The following WDR48 variants were observed in gnomAD, a reference collection of about 807,000 sequenced individuals.
WDR48 encodes WD repeat domain 48.
Under a neutral mutation model 94.0 loss-of-function variants are expected in WDR48, and 22 were observed. That is an observed-to-expected ratio of 0.23 (90% CI 0.17 to 0.33). The LOEUF (loss-of-function observed/expected upper bound fraction) is 0.33, where lower values mean the gene tolerates loss of function less well. WDR48 is among the 10% of genes least tolerant of loss of function. The pLI is 1.00. For synonymous variants in WDR48, 278 were observed against 280.5 expected (o/e 0.99, Z 0.09); for missense variants, 541 against 813.8 (o/e 0.66, Z 4.08).
chr3:39,074,579 C>G, intron 7 of WDR48, 147 bp from the exon 8 acceptor site: 1 of 772,876 alleles, frequency 1.3e-6, no homozygotes, highest in Non-Finnish European at 2.1e-6. Flanking sequence ...GCCTGTGGTG[C>G]ATGGTTGTCA....
Position 39,095,474 on chromosome 3 carries a change from C to A in WDR48, c.*731C>A, listed in dbSNP as rs1427975582. 1 of 152,206 alleles carries A rather than the reference C, an allele frequency of 6.6e-6. No homozygotes were observed. The allele number at this position is 152,206 out of a possible 1,614,324, so 9.4% of individuals were successfully genotyped here. A position where few individuals can be genotyped will look rare whatever the true frequency, so the allele number is the denominator to read the frequency against. On this transcript the variant is annotated 3_prime_UTR_variant, in exon 19 of 19. Transcript: ENST00000302313. ...TGATGTCCTGGCTTTGTGGCAACCC[C>A]AGGGAGGTGCAGCAGTTTCACTCCT...
intron 11 of WDR48, among the ~76,000 whole-genome samples, chr3:39,080,764 C>G (rs550292941): frequency 6.6e-6 from 1 of 152,172 alleles, no homozygotes; most frequent in African/African-American, 2.4e-5. Flanking sequence ...TTAAAGGTTT[C>G]CAGTAGATGC....
At chr3:39,060,405 A>G (rs2033177606) in intron 1 of WDR48, among the ~76,000 whole-genome samples, 1 of 142,624 alleles carries the variant, frequency 7.0e-6, no homozygotes, top group African/African-American at 2.8e-5. Context: ...GTGTCAGTAC[A>G]GTGTGTGTGT....
intron 14 of WDR48, 109 bp from the exon 15 acceptor site, chr3:39,088,019 G>T: frequency 1.0e-6 from 1 of 999,350 alleles, no homozygotes; most frequent in Non-Finnish European, 1.5e-6. Flanking sequence ...GGACTTAGAG[G>T]ACATTTGAAT....
Position 39,078,221 on chromosome 3 carries a change from C to A in WDR48, c.1057C>A (p.Pro353Thr), listed in dbSNP as rs151234408. 3.7e-6 allele frequency: 6 copies of A among 1,612,292 alleles called. No individual in the cohort carries two copies. Among genetic ancestry groups the A allele is most frequent in the African/African-American group, 2.7e-5 (2 of 74,928 alleles). Residue 353 changes from proline (P) to threonine (T), a missense_variant, in exon 10 of 19, where the codon CCT becomes ACT. Coordinates refer to ENST00000302313, the MANE Select transcript of WDR48 (RefSeq NM_020839.4). ...TNPITPLCTQ[P>T]DQVIKGGASI... is the part of the protein sequence containing the mutation. ...TCCTATAACACCTCTTTGTACACAA[C>A]CTGACCAGGTTATTAAAGGTAAGAA...
intron 1 of WDR48, among the ~76,000 whole-genome samples, chr3:39,060,373 A>G (rs780372622): frequency 6.6e-6 from 1 of 151,910 alleles, no homozygotes; most frequent in Non-Finnish European, 1.5e-5. Context: ...CACATTTTCA[A>G]GGTTCATCCA....
chr3:39,081,388 CAGTT>C (rs1389867889), intron 11 of WDR48, among the ~76,000 whole-genome samples: 2 of 152,160 alleles, frequency 1.3e-5, no homozygotes, highest in African/African-American at 4.8e-5. Flanking sequence ...CATTATGAAA[CAGTT>C]GTTTGGTGAG....
In WDR48 at chr3:39,077,156, A is replaced by G. The variant is rs746796914; in HGVS notation, c.915A>G (p.Ser305=). 17 of 1,614,188 alleles carry G rather than the reference A, an allele frequency of 1.1e-5. No homozygotes were observed. The East Asian group carries it at 3.6e-4, about 34-fold the overall frequency. The stretch of plus-strand genomic sequence containing the variant: ...GTTTTCAGATGGAGCTTGATAGATC[A>G]GCTGATCCTCCTCCTGCAATTTGGG... The part of the protein sequence containing the change: ...APVLKMELDR[S]ADPPPAIWVA... The change falls in exon 9 of 19, where the codon TCA becomes TCG. Residue 305 remains serine, a synonymous_variant. Transcript: ENST00000302313.
At chr3:39,092,980 G>C (rs542749098) in intron 17 of WDR48, among the ~76,000 whole-genome samples, 1 of 152,006 alleles carries the variant, frequency 6.6e-6, no homozygotes, top group Admixed American at 6.5e-5. Context: ...TTTTCAGAGC[G>C]TAGGCCTTAG....
At chr3:39,077,874 T>TA in intron 9 of WDR48, 1 of 336,540 alleles carries the variant, frequency 3.0e-6, no homozygotes, top group Admixed American at 4.6e-5. Flanking sequence ...CATGCCAACT[T>TA]ATGACCAATA....
intron 7 of WDR48, among the ~76,000 whole-genome samples, chr3:39,073,376 A>C (rs1398672322): frequency 1.3e-5 from 2 of 152,124 alleles, no homozygotes; most frequent in South Asian, 4.1e-4. Flanking sequence ...GTATGTGTTC[A>C]TTTAATTAAA....
At chr3:39,092,520 G>A (rs1403817858) in intron 17 of WDR48, among the ~76,000 whole-genome samples, 5 of 152,136 alleles carry the variant, frequency 3.3e-5, no homozygotes, top group African/African-American at 7.2e-5. Flanking sequence ...ATATTAGGAG[G>A]TAAATTGGAA....
chr3:39,060,298 A>G (rs2033170655), intron 1 of WDR48, among the ~76,000 whole-genome samples: 1 of 152,126 alleles, frequency 6.6e-6, no homozygotes, highest in South Asian at 2.1e-4. Context: ...TATCCTAGAC[A>G]TTATATATAA....
intron 12 of WDR48, 149 bp downstream of exon 12, chr3:39,084,411 GAAAA>G: frequency 3.3e-6 from 2 of 612,796 alleles, no homozygotes; most frequent in Non-Finnish European, 4.9e-6. Context: ...GAATAAAAAA[GAAAA>G]AAACAAAATT....
intron 7 of WDR48, among the ~76,000 whole-genome samples, chr3:39,071,865 C>T (rs907238911): frequency 1.3e-5 from 2 of 152,132 alleles, no homozygotes; most frequent in African/African-American, 4.8e-5. Flanking sequence ...AAAAAAGAAA[C>T]TCTTACTGAT....
intron 8 of WDR48, among the ~76,000 whole-genome samples, chr3:39,075,966 T>C (rs1367765241): frequency 6.6e-6 from 1 of 152,064 alleles, no homozygotes; most frequent in Non-Finnish European, 1.5e-5. Context: ...AAAGTGCTGG[T>C]ATTACAGGCG....
intron 17 of WDR48, among the ~76,000 whole-genome samples, chr3:39,092,533 G>A (rs1468133886): frequency 6.6e-6 from 1 of 152,122 alleles, no homozygotes; most frequent in Non-Finnish European, 1.5e-5. Flanking sequence ...AATTGGAAAA[G>A]CAGTTAAAGG....
At chr3:39,081,957 G>A (rs1216634743) in intron 11 of WDR48, among the ~76,000 whole-genome samples, 1 of 152,236 alleles carries the variant, frequency 6.6e-6, no homozygotes, top group Admixed American at 6.5e-5. Flanking sequence ...TGGCTAAACA[G>A]TGTGGGACAG....
chr3:39,074,616 G>A lies in WDR48; in HGVS notation c.673-110G>A, dbSNP rs2034116932. ...GCCTTTATCAGAGGCAGAAACACAGGTTAATAGAGTCGTGTGTTTGACAGT... is the reference window on the plus strand; with the variant it reads ...GCCTTTATCAGAGGCAGAAACACAGATTAATAGAGTCGTGTGTTTGACAGT... On this transcript the variant is annotated intron_variant, in intron 7 of 18. Transcript: ENST00000302313. 4 of 1,084,250 alleles carry A rather than the reference G, an allele frequency of 3.7e-6. No homozygotes were observed. The South Asian group carries it at 6.1e-5, about 16-fold the overall frequency. The allele number at this position is 1,084,250 out of a possible 1,614,324, so 67.2% of individuals were successfully genotyped here.
Sources: allele counts gnomAD v4.1 joint callset (sites outside exome capture counted in the v4.1 genomes callset), GRCh38; gene constraint gnomAD v4.1.1; transcripts MANE v1.5; gene names NCBI Gene and HGNC (gene_info 2026-07-23, HGNC 2026-07-21).